RNF144B: variants seen among roughly 807,000 people sequenced by gnomAD.
The protein encoded by RNF144B is E3 ubiquitin-protein ligase RNF144B.
Under a neutral mutation model 40.2 loss-of-function variants are expected in RNF144B, and 25 were observed. That is an observed-to-expected ratio of 0.62 (90% confidence interval 0.45 to 0.87). The LOEUF is 0.87. RNF144B is among the 40% of genes least tolerant of loss of function. The pLI is 0.00. For missense variants in RNF144B, 365 were observed against 373.7 expected (o/e 0.98, Z 0.19); for synonymous variants, 145 against 136.3 (o/e 1.06, Z -0.44).
At chr6:18,428,274 T>G (rs1051768978) in intron 3 of RNF144B, among the ~76,000 whole-genome samples, 7 of 152,088 alleles carry the variant, frequency 4.6e-5, no homozygotes, top group Admixed American at 1.3e-4. Flanking sequence ...TACCCAGTCT[T>G]GGGTATTTCT....
intron 4 of RNF144B, among the ~76,000 whole-genome samples, chr6:18,440,423 G>GT (rs1371381493): frequency 6.6e-6 from 1 of 152,010 alleles, no homozygotes; most frequent in Non-Finnish European, 1.5e-5. Context: ...GGAAAAAATT[G>GT]TTTCTCCCAG....
intron 1 of RNF144B, among the ~76,000 whole-genome samples, chr6:18,387,954 A>T (rs549103711): frequency 6.6e-6 from 1 of 152,330 alleles, no homozygotes; most frequent in Admixed American, 6.5e-5. Flanking sequence ...ATCTCGGATT[A>T]TGCATTATAG....
At chr6:18,431,269 A>G (rs1203811927) in intron 3 of RNF144B, among the ~76,000 whole-genome samples, 1 of 152,176 alleles carries the variant, frequency 6.6e-6, no homozygotes, top group Non-Finnish European at 1.5e-5. Flanking sequence ...AATGTTCTCT[A>G]TCAACTTGCT....
intron 2 of RNF144B, among the ~76,000 whole-genome samples, chr6:18,415,927 T>G (rs1316003496): frequency 6.6e-6 from 1 of 151,824 alleles, no homozygotes; most frequent in Non-Finnish European, 1.5e-5. Context: ...ACTCTAATAG[T>G]AGGAGGAAGA....
In RNF144B at chr6:18,467,094, T is replaced by TG. The variant is rs762939579; in HGVS notation, c.*2028dup. The TG allele has an allele frequency of 4.3e-4, 66 of 152,808 alleles. No homozygotes were observed. Among genetic ancestry groups the TG allele is most frequent in the Non-Finnish European group, 6.5e-4 (44 of 68,038 alleles). 9.5% of individuals were successfully genotyped at this position (152,808 alleles called of 1,614,324 possible). A position where few individuals can be genotyped will look rare whatever the true frequency, so the allele number is the denominator to read the frequency against. ...TTGCTTTGTTTTACACGTAGCCCACTGCCTCATTATAGGTAAAAGGCATTT... is the reference window on the plus strand; with the variant it reads ...TTGCTTTGTTTTACACGTAGCCCACTGGCCTCATTATAGGTAAAAGGCATTT... On this transcript the variant is annotated 3_prime_UTR_variant, in exon 8 of 8. Transcript: ENST00000259939.
intron 2 of RNF144B, among the ~76,000 whole-genome samples, chr6:18,421,412 G>T (rs1758423793): frequency 6.6e-6 from 1 of 151,856 alleles, no homozygotes; most frequent in Admixed American, 6.6e-5. Context: ...TTCCAGTTAG[G>T]CTCTGAGTTT....
rs536793623 is a variant in RNF144B, at chr6:18,402,431, G to A, written c.165+2732G>A. ...CCTGGCCTTTAAATAGATGCCCCAA[G>A]TGTGTTCCACGGACCACCAGCTCTG... On this transcript the variant is annotated intron_variant, in intron 2 of 7. Transcript: ENST00000259939. Among the ~76,000 whole-genome samples the A allele has an allele frequency of 2.3e-5, 2 of 88,444 alleles. 1 individual carries two copies. The highest frequency in any genetic ancestry group is 8.5e-4 in the South Asian group (2 of 2,344). The allele number at this position is 88,444 out of a possible 152,430, so 58.0% of individuals were successfully genotyped here. A position where few individuals can be genotyped will look rare whatever the true frequency, so the allele number is the denominator to read the frequency against.
chr6:18,399,454 C>T (rs772616360), intron 1 of RNF144B, 45 bp from the exon 2 acceptor site: 19 of 1,369,500 alleles, frequency 1.4e-5, no homozygotes, highest in Middle Eastern at 3.7e-4. Context: ...TAAACAATAG[C>T]TTTATCAATC....
At chr6:18,423,722 C>T (rs1758487251) in intron 2 of RNF144B, among the ~76,000 whole-genome samples, 1 of 152,044 alleles carries the variant, frequency 6.6e-6, no homozygotes, top group South Asian at 2.1e-4. Context: ...TGGTTAGATC[C>T]CATATGAATC....
chr6:18,426,334 T>C (rs1278763209), intron 2 of RNF144B, among the ~76,000 whole-genome samples: 3 of 152,216 alleles, frequency 2.0e-5, no homozygotes, highest in Non-Finnish European at 4.4e-5. Flanking sequence ...ACTTGACTTT[T>C]TTTTGGTCAT....
intron 1 of RNF144B, among the ~76,000 whole-genome samples, chr6:18,393,278 G>A (rs1202038709): frequency 1.3e-5 from 2 of 152,138 alleles, no homozygotes; most frequent in African/African-American, 4.8e-5. Context: ...ATGTACGCTG[G>A]TTCATCTTGT....
At chr6:18,393,062 AGC>A in intron 1 of RNF144B, among the ~76,000 whole-genome samples, 1 of 151,312 alleles carries the variant, frequency 6.6e-6, no homozygotes, top group Admixed American at 6.6e-5. Flanking sequence ...CAGAGCTTGC[AGC>A]GAGCCGAGAT....
chr6:18,394,435 T>A (rs1008364917), intron 1 of RNF144B, among the ~76,000 whole-genome samples: 2 of 152,036 alleles, frequency 1.3e-5, no homozygotes, highest in Non-Finnish European at 2.9e-5. Flanking sequence ...TCGTCTCTAC[T>A]AAAAATACAA....
At chr6:18,462,761 T>TG (rs1759485865) in intron 6 of RNF144B, among the ~76,000 whole-genome samples, 2 of 152,110 alleles carry the variant, frequency 1.3e-5, no homozygotes, top group African/African-American at 4.8e-5. Context: ...TGTCCAAACT[T>TG]ATCTTCCCAA....
At position 18,405,174 on chromosome 6, in the gene RNF144B, A is replaced by ATTG. The variant is rs1554172626; in HGVS notation, c.165+5478_165+5480dup. 1.1e-4 allele frequency among the ~76,000 whole-genome samples: 15 copies of ATTG among 142,608 alleles called. No homozygotes were observed. The highest frequency in any genetic ancestry group is 3.1e-4 in the African/African-American group (12 of 39,190). The allele number at this position is 142,608 out of a possible 152,430, so 93.6% of individuals were successfully genotyped here. The stretch of plus-strand genomic sequence containing the variant: ...CTTTATTATTATTATTATTATTATT[A>ATTG]TTGTTATTATTATTTTTGAGATGGA... On this transcript the variant is annotated intron_variant, in intron 2 of 7. Coordinates refer to ENST00000259939, the MANE Select transcript of RNF144B (RefSeq NM_182757.4). The surrounding 1 kb of genome is among the most constrained non-coding windows in gnomAD (Gnocchi z 4.5).
intron 4 of RNF144B, among the ~76,000 whole-genome samples, chr6:18,449,697 G>GTATATATATATATATATATATATATA (rs70974745): frequency 1.7e-4 from 25 of 149,338 alleles, no homozygotes; most frequent in African/African-American, 5.9e-4. Flanking sequence ...GTGTTTTGAA[G>GTATATATATATATATATATATATATA]TATATATATA....
chr6:18,456,540 G>T lies in RNF144B; in HGVS notation c.332-615G>T, dbSNP rs188072089. ...GATTTGAGATTTTTGCCTATTTTAC[G>T]TGCTCAAAGGTGGGAAATATTCTAA... On this transcript the variant is annotated intron_variant, in intron 4 of 7. Coordinates refer to ENST00000259939, the MANE Select transcript of RNF144B (RefSeq NM_182757.4). The surrounding 1 kb of genome is among the most constrained non-coding windows in gnomAD (Gnocchi z 4.7). Among the ~76,000 whole-genome samples the T allele has an allele frequency of 6.6e-6, 1 of 152,130 alleles. No homozygotes were observed. The highest frequency in any genetic ancestry group is 2.4e-5 in the African/African-American group (1 of 41,432).
At chr6:18,387,767 AG>A (rs1178644612) in intron 1 of RNF144B, 137 bp downstream of exon 1, 11 of 553,178 alleles carry the variant, frequency 2.0e-5, no homozygotes, top group Non-Finnish European at 1.1e-5. Context: ...CAAACCATAC[AG>A]AACTGAATTC....
chr6:18,444,296 T>C lies in RNF144B; in HGVS notation c.331+4552T>C, dbSNP rs1156637122. ...CTGGCTGCCACTATGTTTCTGGCTT[T>C]CTCTTTCTGCATCAGCTTTCCAATA... On this transcript the variant is annotated intron_variant, in intron 4 of 7. Transcript: ENST00000259939. This position sits in a 1 kb window ranked among gnomAD's most constrained non-coding sequence, Gnocchi z 4.3. Among the ~76,000 whole-genome samples, 1 of 152,206 alleles carries C rather than the reference T, an allele frequency of 6.6e-6. No individual in the cohort carries two copies. The highest frequency in any genetic ancestry group is 1.5e-5 in the Non-Finnish European group (1 of 68,034).
Sources: allele counts gnomAD v4.1 joint callset (sites outside exome capture counted in the v4.1 genomes callset), GRCh38; gene constraint gnomAD v4.1.1; non-coding constraint Gnocchi (gnomAD v3.1); transcripts MANE v1.5; gene names NCBI Gene and HGNC (gene_info 2026-07-23, HGNC 2026-07-21).